The following RARA variants were observed in gnomAD, a reference collection of about 807,000 sequenced individuals.
RARA encodes the protein PML-DDX5-RARA fusion.
Under a neutral mutation model 42.8 loss-of-function variants are expected in RARA, and 5 were observed. That is an observed-to-expected ratio of 0.12 (90% CI 0.06 to 0.25). The LOEUF is 0.25. Among genes scored for constraint, RARA ranks in the 10% least tolerant of loss-of-function variants. The pLI is 1.00. For synonymous variants in RARA, 256 were observed against 259.5 expected (o/e 0.99, Z 0.13); for missense variants, 402 against 628.7 (o/e 0.64, Z 3.86).
chr17:40,317,195 C>A (rs2033232809), intron 1 of RARA, among the ~76,000 whole-genome samples: 1 of 152,178 alleles, frequency 6.6e-6, no homozygotes, highest in South Asian at 2.1e-4. Flanking sequence ...GGGCTGGAGG[C>A]CTGGGAGTGC....
rs777998360 is a variant in RARA at position 40,355,347 on chromosome 17, G to A, written c.1097G>A (p.Arg366Gln). The change falls in exon 8 of 9, where the codon CGG becomes CAG. Residue 366 changes from arginine to glutamine, a missense_variant. Arg to Gln is a conservative substitution (Grantham distance 43). This residue lies in a region of RARA where 104 missense variants were observed against 160.1 expected (regional missense o/e 0.65). Transcript: ENST00000254066. The surrounding 1 kb of genome is among the most constrained non-coding windows in gnomAD (Gnocchi z 4.1). ...LEALKVYVRK[R>Q]RPSRPHMFPK... Reference sequence around the variant, plus strand: ...GCGCTAAAGGTCTACGTGCGGAAGCGGAGGCCCAGCCGCCCCCACATGTTC... The same window carrying A: ...GCGCTAAAGGTCTACGTGCGGAAGCAGAGGCCCAGCCGCCCCCACATGTTC... The A allele has an allele frequency of 2.1e-5, 34 of 1,613,478 alleles. No individual in the cohort carries two copies. Among genetic ancestry groups the A allele is most frequent in the Non-Finnish European group, 2.8e-5 (33 of 1,179,792 alleles).
chr17:40,313,995 C>G (rs915272367), intron 1 of RARA, among the ~76,000 whole-genome samples: 2 of 152,176 alleles, frequency 1.3e-5, no homozygotes, highest in African/African-American at 4.8e-5. Context: ...AGCCAGAGCA[C>G]TGAGCACAGG....
Position 40,352,322 on chromosome 17 carries a change from C to T in RARA, c.631-9C>T. ...GAGAAGAAGGCCCTCACTCTCCCTC[C>T]TCCCCCAGAACAACAGCTCAGAACA... On this transcript the variant is annotated splice_polypyrimidine_tract_variant and intron_variant, in intron 5 of 8. Coordinates refer to ENST00000254066, the MANE Select transcript of RARA (RefSeq NM_000964.4). This position sits in a 1 kb window ranked among gnomAD's most constrained non-coding sequence, Gnocchi z 4.9. The T allele has an allele frequency of 6.3e-7, 1 of 1,591,584 alleles. No homozygotes were observed. The highest frequency in any genetic ancestry group is 8.6e-7 in the Non-Finnish European group (1 of 1,166,304).
rs2143232450 is a variant in RARA at position 40,325,476 on chromosome 17, C to T, written c.-362-5381C>T. 2.6e-5 allele frequency among the ~76,000 whole-genome samples: 4 copies of T among 152,100 alleles called. No homozygotes were observed. In the Middle Eastern group the frequency reaches 0.014, roughly 517 times the overall value. ...ATCACTGCTCCCCAACCCCTGTCTG[C>T]AGATATGAGGGGCGCTGGGGAGGGG... On this transcript the variant is annotated intron_variant, in intron 1 of 8. Transcript: ENST00000254066.
intron 1 of RARA, among the ~76,000 whole-genome samples, chr17:40,317,859 CACTT>C (rs1478958363): frequency 6.6e-6 from 1 of 152,122 alleles, no homozygotes; most frequent in African/African-American, 2.4e-5. Flanking sequence ...TCACCGCACT[CACTT>C]CCATATTACG....
rs547849750 is a variant in RARA at position 40,356,451 on chromosome 17, G to A, written c.*225G>A. On this transcript the variant is annotated 3_prime_UTR_variant, in exon 9 of 9. Coordinates refer to ENST00000254066, the MANE Select transcript of RARA (RefSeq NM_000964.4). Reference sequence around the variant, plus strand: ...ACAGCCTGGGCTGACGTCAGAGGCCGAGGCCAGGAACTGAGTGAGGCCCCT... The same window carrying A: ...ACAGCCTGGGCTGACGTCAGAGGCCAAGGCCAGGAACTGAGTGAGGCCCCT... 5 of 709,254 alleles carry A rather than the reference G, an allele frequency of 7.0e-6. No individual in the cohort carries two copies. Among genetic ancestry groups the A allele is most frequent in the Admixed American group, 2.0e-5 (1 of 49,612 alleles). The allele number at this position is 709,254 out of a possible 1,614,324, so 43.9% of individuals were successfully genotyped here. A position where few individuals can be genotyped will look rare whatever the true frequency, so the allele number is the denominator to read the frequency against.
chr17:40,315,833 T>A (rs1452047423), intron 1 of RARA, among the ~76,000 whole-genome samples: 5 of 152,144 alleles, frequency 3.3e-5, no homozygotes. Context: ...CTCAGACTCC[T>A]CCCCCAGCCT....
rs1567769045 is a variant in RARA, at chr17:40,356,744, ATTTTAATTTTTTTG to A, written c.*523_*536del. On this transcript the variant is annotated 3_prime_UTR_variant, in exon 9 of 9. Coordinates refer to ENST00000254066, the MANE Select transcript of RARA (RefSeq NM_000964.4). ...ATTAATTCTCGCTGGTTTTGTTTTTATTTTAATTTTTTTGTTTTGATTTTTTTAATAAGAATTTT... is the reference window on the plus strand; with the variant it reads ...ATTAATTCTCGCTGGTTTTGTTTTTATTTTGATTTTTTTAATAAGAATTTT... The A allele has an allele frequency of 1.9e-6, 1 of 525,410 alleles. No individual in the cohort carries two copies. Among genetic ancestry groups the A allele is most frequent in the South Asian group, 1.6e-5 (1 of 63,610 alleles). 32.5% of individuals were successfully genotyped at this position (525,410 alleles called of 1,614,324 possible). A position where few individuals can be genotyped will look rare whatever the true frequency, so the allele number is the denominator to read the frequency against.
intron 2 of RARA, chr17:40,341,615 G>T: frequency 7.4e-7 from 1 of 1,352,970 alleles, no homozygotes; most frequent in Non-Finnish European, 9.5e-7. Flanking sequence ...CACGGGCAGC[G>T]GTGGGTGGGT....
At chr17:40,341,397 C>T in intron 2 of RARA, 2 of 1,494,144 alleles carry the variant, frequency 1.3e-6, no homozygotes, top group South Asian at 1.3e-5. Context: ...CACATGATGT[C>T]ACAGACAATG....
chr17:40,323,761 T>C (rs1057072191), intron 1 of RARA, among the ~76,000 whole-genome samples: 2 of 75,340 alleles, frequency 2.7e-5, no homozygotes, highest in African/African-American at 5.3e-5. Flanking sequence ...GGAGGGGGGG[T>C]ATGGGGCAGG....
At position 40,356,312 on chromosome 17, in the gene RARA, C is replaced by T; in HGVS notation, c.*86C>T. ...CCGACCATGTGACCCCGCACCAGCCCTGCCCCCACCTGCCCTCCCGGGCAG... is the reference window on the plus strand; with the variant it reads ...CCGACCATGTGACCCCGCACCAGCCTTGCCCCCACCTGCCCTCCCGGGCAG... On this transcript the variant is annotated 3_prime_UTR_variant, in exon 9 of 9. Transcript: ENST00000254066. 1 of 1,349,458 alleles carries T rather than the reference C, an allele frequency of 7.4e-7. No homozygotes were observed. The highest frequency in any genetic ancestry group is 1.0e-6 in the Non-Finnish European group (1 of 972,174). The allele number at this position is 1,349,458 out of a possible 1,614,324, so 83.6% of individuals were successfully genotyped here. A position where few individuals can be genotyped will look rare whatever the true frequency, so the allele number is the denominator to read the frequency against.
chr17:40,310,139 A>G (rs998810445), intron 1 of RARA, among the ~76,000 whole-genome samples: 3 of 152,136 alleles, frequency 2.0e-5, no homozygotes, highest in African/African-American at 7.2e-5. Flanking sequence ...TGGCTTTCAG[A>G]ATCTCAGGCT....
chr17:40,319,502 G>T (rs1370311978), intron 1 of RARA, among the ~76,000 whole-genome samples: 5 of 152,068 alleles, frequency 3.3e-5, no homozygotes, highest in African/African-American at 9.7e-5. Flanking sequence ...TTCTTGGAAA[G>T]GATTGTTTCT....
chr17:40,351,002 A>G lies in RARA; in HGVS notation c.470-908A>G, dbSNP rs1177624145. ...ACTCCCCTTCTCCCTCCCACCGCCA[A>G]CTCCCCCTCTCCCGGCTGCTCTGTG... is the stretch of plus-strand genomic sequence containing the variant. On this transcript the variant is annotated intron_variant, in intron 4 of 8. Transcript: ENST00000254066. This position sits in a 1 kb window ranked among gnomAD's most constrained non-coding sequence, Gnocchi z 4.1. 6.8e-6 allele frequency among the ~76,000 whole-genome samples: 1 copy of G among 147,338 alleles called. No individual in the cohort carries two copies. Among genetic ancestry groups the G allele is most frequent in the Admixed American group, 6.8e-5 (1 of 14,770 alleles).
At chr17:40,334,315 C>T (rs567044670) in intron 2 of RARA, among the ~76,000 whole-genome samples, 1 of 152,312 alleles carries the variant, frequency 6.6e-6, no homozygotes, top group South Asian at 2.1e-4. Context: ...TGCCCCCTCC[C>T]TCTGTGAGCC....
chr17:40,350,175 C>T (rs1316893314), intron 4 of RARA: 8 of 517,800 alleles, frequency 1.5e-5, no homozygotes, highest in East Asian at 1.1e-4. Flanking sequence ...TGTTTCTGCA[C>T]GTCTGGCTGT....
intron 1 of RARA, among the ~76,000 whole-genome samples, chr17:40,310,518 A>G (rs2033076584): frequency 6.6e-6 from 1 of 152,080 alleles, no homozygotes; most frequent in Non-Finnish European, 1.5e-5. Flanking sequence ...TGTGCTCTGC[A>G]TTCTTCCATG....
At chr17:40,318,064 C>T (rs895189235) in intron 1 of RARA, among the ~76,000 whole-genome samples, 1 of 152,224 alleles carries the variant, frequency 6.6e-6, no homozygotes, top group Admixed American at 6.5e-5. Flanking sequence ...TCCCACGGTC[C>T]AGTCTTCAAC....
Sources: allele counts gnomAD v4.1 joint callset (sites outside exome capture counted in the v4.1 genomes callset), GRCh38; gene constraint gnomAD v4.1.1; regional missense constraint gnomAD v4.1.1; non-coding constraint Gnocchi (gnomAD v3.1); transcripts MANE v1.5; gene names NCBI Gene and HGNC (gene_info 2026-07-23, HGNC 2026-07-21).